SLC9A2: variants seen among roughly 807,000 people sequenced by gnomAD.
SLC9A2 encodes solute carrier family 9 member A2, also known as sodium/hydrogen exchanger 2.
In SLC9A2, 42 loss-of-function variants were observed where a neutral mutation model predicts 71.7. That is an observed-to-expected ratio of 0.59 (90% CI 0.46 to 0.76). The LOEUF is 0.76. Ranked by LOEUF, SLC9A2 falls within the 30% of genes least tolerant of loss-of-function variation. The probability of loss-of-function intolerance (pLI) is 0.00; values close to 1 mark genes in which losing one functional copy is unlikely to be tolerated. For missense variants in SLC9A2, 829 were observed against 1,017.4 expected, an observed-to-expected ratio of 0.81 and a Z score of 2.52; for synonymous variants, 396 against 392.5, an observed-to-expected ratio of 1.01 and a Z score of -0.10.
At chr2:102,665,761 A>C (rs6726979) in intron 3 of SLC9A2, among the ~76,000 whole-genome samples, 2 of 130,426 alleles carry the variant, frequency 1.5e-5, no homozygotes, top group Admixed American at 1.7e-4. Context: ...GCCACACAGC[A>C]AGACTCTGTC....
intron 1 of SLC9A2, among the ~76,000 whole-genome samples, chr2:102,633,407 C>T (rs1676412135): frequency 6.6e-6 from 1 of 152,146 alleles, no homozygotes; most frequent in Admixed American, 6.6e-5. Flanking sequence ...ACTTTACCCA[C>T]TCTTAACCTG....
chr2:102,643,010 A>C (rs1391935588), intron 1 of SLC9A2, among the ~76,000 whole-genome samples: 1 of 152,180 alleles, frequency 6.6e-6, no homozygotes, highest in Non-Finnish European at 1.5e-5. Flanking sequence ...TGGTTGCTCA[A>C]ATATTCCCTT....
At chr2:102,688,596 C>T (rs758841112) in intron 5 of SLC9A2, among the ~76,000 whole-genome samples, 109 of 152,188 alleles carry the variant, frequency 7.2e-4, no homozygotes, top group African/African-American at 2.5e-3. Context: ...GGCATGGTGG[C>T]ACGTGCCTAT....
chr2:102,656,067 G>A (rs1000947923), intron 1 of SLC9A2, among the ~76,000 whole-genome samples: 4 of 152,234 alleles, frequency 2.6e-5, no homozygotes, highest in Admixed American at 6.5e-5. Flanking sequence ...CAGCCAAAGC[G>A]TAGCATTCTC....
intron 1 of SLC9A2, among the ~76,000 whole-genome samples, chr2:102,632,285 GATAAT>G (rs1302614031): frequency 7.2e-6 from 1 of 139,150 alleles, no homozygotes; most frequent in Non-Finnish European, 1.5e-5. Context: ...TTTCCATAAG[GATAAT>G]ATAAGATTGC....
intron 1 of SLC9A2, among the ~76,000 whole-genome samples, chr2:102,640,510 C>G (rs1414341199): frequency 1.3e-5 from 2 of 152,120 alleles, no homozygotes; most frequent in Non-Finnish European, 2.9e-5. Flanking sequence ...TATAATAGCT[C>G]ACAGAACTGA....
intron 1 of SLC9A2, among the ~76,000 whole-genome samples, chr2:102,652,457 T>C (rs1676853255): frequency 6.6e-6 from 1 of 152,186 alleles, no homozygotes; most frequent in Non-Finnish European, 1.5e-5. Context: ...AAACCTGTGC[T>C]TGGCTTCCTT....
chr2:102,680,918 G>T (rs1214030903), intron 3 of SLC9A2, among the ~76,000 whole-genome samples: 1 of 149,196 alleles, frequency 6.7e-6, no homozygotes, highest in African/African-American at 2.6e-5. Flanking sequence ...GAATGCAGGG[G>T]GGCCTCTAGA....
At chr2:102,627,160 CAACAAA>C (rs1676266337) in intron 1 of SLC9A2, among the ~76,000 whole-genome samples, 1 of 144,786 alleles carries the variant, frequency 6.9e-6, no homozygotes, top group Admixed American at 6.9e-5. Flanking sequence ...ACAATAACAA[CAACAAA>C]AAGCCAGGTT....
At chr2:102,671,591 G>A (rs2104530788) in intron 3 of SLC9A2, among the ~76,000 whole-genome samples, 1 of 152,278 alleles carries the variant, frequency 6.6e-6, no homozygotes, top group East Asian at 1.9e-4. Context: ...CTAGAGAAAT[G>A]TAAACAATTT....
intron 5 of SLC9A2, among the ~76,000 whole-genome samples, chr2:102,685,083 G>A (rs924310931): frequency 6.6e-5 from 10 of 152,204 alleles, no homozygotes. Flanking sequence ...AGTCGTGGGG[G>A]AAATGTTACA....
intron 1 of SLC9A2, among the ~76,000 whole-genome samples, chr2:102,650,717 G>A (rs748979071): frequency 9.2e-5 from 14 of 151,964 alleles, no homozygotes; most frequent in African/African-American, 2.4e-4. Flanking sequence ...ATGTACCTCC[G>A]TACATCATTG....
chr2:102,649,932 A>G (rs1463535479), intron 1 of SLC9A2, among the ~76,000 whole-genome samples: 1 of 152,230 alleles, frequency 6.6e-6, no homozygotes, highest in Non-Finnish European at 1.5e-5. Context: ...ATCTAGAACC[A>G]GAATTACCAT....
chr2:102,620,037 C>A lies in SLC9A2; in HGVS notation c.189C>A (p.Phe63Leu). ...ASVVAPGTTL[F>L]EESRLPVFTL... ...TGGTGGCTCCCGGAACGACGCTGTT[C>A]GAGGAGAGCCGGCTGCCTGTGTTTA... Residue 63 changes from phenylalanine (F) to leucine (L), a missense_variant, in exon 1 of 12, where the codon TTC becomes TTA. Phe to Leu is a conservative substitution (Grantham distance 22, BLOSUM62 0). Coordinates refer to ENST00000233969, the MANE Select transcript of SLC9A2 (RefSeq NM_003048.6). 2 of 1,614,040 alleles carry A rather than the reference C, an allele frequency of 1.2e-6. No homozygotes were observed. The highest frequency in any genetic ancestry group is 1.1e-5 in the South Asian group (1 of 91,060).
intron 9 of SLC9A2, among the ~76,000 whole-genome samples, chr2:102,703,664 A>G (rs1677917317): frequency 6.6e-6 from 1 of 152,232 alleles, no homozygotes; most frequent in African/African-American, 2.4e-5. Flanking sequence ...TTATGTTTGC[A>G]TCTCTCAATA....
Position 102,684,328 on chromosome 2 carries a change from T to C in SLC9A2, c.1417T>C (p.Phe473Leu). Residue 473 changes from phenylalanine (F) to leucine (L), a missense_variant, in exon 5 of 12, where the codon TTC becomes CTC. Around this residue, in one of 3 missense-constraint regions of SLC9A2, gnomAD observed 500 missense variants for 726.3 expected, o/e 0.69. Transcript: ENST00000233969. ...CATTGTTGTCATATTCTTTACTGTC[T>C]TCATTCTGGTAAGTAGAGTGATCCC... Reference protein sequence around the residue: ...AAIVVIFFTVFILGITIRPLV... With the variant: ...AAIVVIFFTVLILGITIRPLV... 8.1e-6 allele frequency: 13 copies of C among 1,613,606 alleles called. No individual in the cohort carries two copies. The highest frequency in any genetic ancestry group is 1.1e-5 in the Non-Finnish European group (13 of 1,179,472).
intron 5 of SLC9A2, among the ~76,000 whole-genome samples, chr2:102,693,886 C>T (rs955119021): frequency 6.6e-6 from 1 of 152,162 alleles, no homozygotes; most frequent in Non-Finnish European, 1.5e-5. Context: ...AATAAATGAA[C>T]AAATGAAGGA....
intron 1 of SLC9A2, among the ~76,000 whole-genome samples, chr2:102,657,211 A>T (rs981867390): frequency 9.9e-5 from 15 of 151,866 alleles, no homozygotes; most frequent in Non-Finnish European, 1.9e-4. Context: ...ATCTCAAAAA[A>T]AAAAATAATA....
chr2:102,711,047 A>C lies in SLC9A2; in HGVS notation c.*2558A>C, dbSNP rs968540833. 1 of 152,366 alleles carries C rather than the reference A, an allele frequency of 6.6e-6. No individual in the cohort carries two copies. Among genetic ancestry groups the C allele is most frequent in the Non-Finnish European group, 1.5e-5 (1 of 68,040 alleles). 9.4% of individuals were successfully genotyped at this position (152,366 alleles called of 1,614,324 possible). ...TTTTAAAAGCATGTGTTTTGTGTAT[A>C]TGCTCACAAAATGTCTGTGAAGAGA... On this transcript the variant is annotated 3_prime_UTR_variant, in exon 12 of 12. Transcript: ENST00000233969.
Sources: allele counts gnomAD v4.1 joint callset (sites outside exome capture counted in the v4.1 genomes callset), GRCh38; gene constraint gnomAD v4.1.1; regional missense constraint gnomAD v4.1.1; transcripts MANE v1.5; gene names NCBI Gene and HGNC (gene_info 2026-07-23, HGNC 2026-07-21).